The following LRBA variants were observed in gnomAD, a reference collection of about 807,000 sequenced individuals.
LRBA encodes the protein LPS responsive beige-like anchor protein, also known as lipopolysaccharide-responsive and beige-like anchor protein.
A neutral mutation model predicts 330.0 loss-of-function variants in LRBA; 176 were observed. The observed-to-expected ratio is 0.53, with a 90% CI of 0.47 to 0.60. The LOEUF (loss-of-function observed/expected upper bound fraction) is 0.60. LRBA is among the 20% of genes least tolerant of loss of function. The pLI is 0.00. For synonymous variants in LRBA, 1,230 were observed against 1,193.0 expected, an observed-to-expected ratio of 1.03 and a Z score of -0.64; for missense variants, 3,259 against 3,444.8, an observed-to-expected ratio of 0.95 and a Z score of 1.35.
At chr4:150,564,235 C>T (rs958969444) in intron 40 of LRBA, among the ~76,000 whole-genome samples, 1 of 152,056 alleles carries the variant, frequency 6.6e-6, no homozygotes, top group Non-Finnish European at 1.5e-5. Context: ...TAACACCGCA[C>T]ATCTACAACC....
chr4:150,418,090 T>C (rs1748051640), intron 46 of LRBA, among the ~76,000 whole-genome samples: 1 of 151,150 alleles, frequency 6.6e-6, no homozygotes, highest in African/African-American at 2.4e-5. Context: ...AGTGGCACAA[T>C]CATAGTTCAC....
Position 150,637,363 on chromosome 4 carries a change from T to A in LRBA, c.5922-38232A>T, listed in dbSNP as rs189592129. On this transcript the variant is annotated intron_variant, in intron 37 of 56. Transcript: ENST00000651943. ...TTAAGTTTTGGAATTAGGTAGTGTA[T>A]ATACTGAATTTTGTTGTGCTTTTTC... Among the ~76,000 whole-genome samples the A allele has an allele frequency of 3.3e-5, 5 of 152,268 alleles. No homozygotes were observed. In the East Asian group the frequency reaches 9.7e-4, roughly 29 times the overall value.
chr4:150,311,379 A>C (rs147940093), intron 51 of LRBA: 3 of 152,216 alleles, frequency 2.0e-5, no homozygotes, highest in Non-Finnish European at 4.4e-5. Flanking sequence ...TTTTCACCAT[A>C]ATTTTCAATT....
At chr4:150,913,325 G>A (rs1425746270) in intron 9 of LRBA, among the ~76,000 whole-genome samples, 1 of 152,100 alleles carries the variant, frequency 6.6e-6, no homozygotes, top group Non-Finnish European at 1.5e-5. Flanking sequence ...AAATTAGCTG[G>A]GTGCAGTGCC....
intron 37 of LRBA, among the ~76,000 whole-genome samples, chr4:150,649,926 A>G (rs1458060148): frequency 6.6e-6 from 1 of 152,180 alleles, no homozygotes; most frequent in East Asian, 1.9e-4. Context: ...GAGCTCCAAG[A>G]ATAAAAAATA....
chr4:150,436,945 C>A, intron 44 of LRBA, 81 bp from the exon 45 acceptor site: 2 of 1,266,434 alleles, frequency 1.6e-6, no homozygotes, highest in East Asian at 2.4e-5. Context: ...TGATATCCTA[C>A]TGGTAAGTAT....
chr4:150,741,326 A>G (rs1485967793), intron 35 of LRBA, among the ~76,000 whole-genome samples: 1 of 152,178 alleles, frequency 6.6e-6, no homozygotes, highest in Non-Finnish European at 1.5e-5. Context: ...AAAGAAAATG[A>G]TCACAATTTT....
rs1403892420 is a variant in LRBA at position 150,804,138 on chromosome 4, A to AT, written c.5518+2132dup. Among the ~76,000 whole-genome samples, 6 of 152,126 alleles carry AT rather than the reference A, an allele frequency of 3.9e-5. No individual in the cohort carries two copies. In the East Asian group the frequency reaches 1.2e-3, roughly 29 times the overall value. On this transcript the variant is annotated intron_variant, in intron 33 of 56. Transcript: ENST00000651943. ...TAGACTCTTCAATTTTTAAAATTCA[A>AT]TTTTTTTCCAATTATATTACTTCAT...
At chr4:150,991,131 G>T (rs907531016) in intron 2 of LRBA, among the ~76,000 whole-genome samples, 3 of 149,822 alleles carry the variant, frequency 2.0e-5, no homozygotes, top group Non-Finnish European at 4.4e-5. Flanking sequence ...GGAAGCGTAA[G>T]AAGAAGAAAC....
chr4:150,944,164 G>C (rs1735988821), intron 2 of LRBA, among the ~76,000 whole-genome samples: 1 of 152,172 alleles, frequency 6.6e-6, no homozygotes, highest in African/African-American at 2.4e-5. Flanking sequence ...TCCTGACCCA[G>C]AAAAACTGAG....
chr4:150,882,977 C>T (rs1728565314), intron 17 of LRBA, among the ~76,000 whole-genome samples: 1 of 152,174 alleles, frequency 6.6e-6, no homozygotes, highest in African/African-American at 2.4e-5. Flanking sequence ...ATTAAATTGT[C>T]ATTCCAATTT....
intron 11 of LRBA, among the ~76,000 whole-genome samples, chr4:150,908,012 T>C (rs1014874312): frequency 2.1e-4 from 32 of 152,148 alleles, no homozygotes; most frequent in Non-Finnish European, 2.9e-5. Flanking sequence ...AAATTTCTTA[T>C]TGCATTCTGA....
intron 46 of LRBA, among the ~76,000 whole-genome samples, chr4:150,434,445 G>A (rs1048248866): frequency 1.3e-5 from 2 of 152,156 alleles, no homozygotes; most frequent in African/African-American, 4.8e-5. Context: ...TATGCTTTTA[G>A]AACCAGCAGC....
chr4:150,307,734 C>T (rs1045479664), intron 52 of LRBA, among the ~76,000 whole-genome samples: 6 of 151,974 alleles, frequency 3.9e-5, no homozygotes, highest in Non-Finnish European at 8.8e-5. Flanking sequence ...CTTATACTGT[C>T]TCCAACTGTC....
intron 17 of LRBA, among the ~76,000 whole-genome samples, chr4:150,878,169 C>T (rs1396206356): frequency 2.0e-5 from 3 of 150,404 alleles, no homozygotes; most frequent in Non-Finnish European, 4.4e-5. Context: ...CCTGTCTTTT[C>T]CAAAAATACA....
At chr4:150,404,648 T>C (rs1745940807) in intron 47 of LRBA, among the ~76,000 whole-genome samples, 4 of 152,130 alleles carry the variant, frequency 2.6e-5, no homozygotes. Flanking sequence ...CTGAAGTCTA[T>C]AGGGAAGAGT....
chr4:150,935,626 T>A (rs1243412465), intron 2 of LRBA, among the ~76,000 whole-genome samples: 2 of 151,904 alleles, frequency 1.3e-5, no homozygotes, highest in African/African-American at 2.4e-5. Flanking sequence ...CTAATTTCTA[T>A]CTGGGAATTA....
In LRBA at chr4:150,685,406, ATATATATATATATATTTTTTTTT is replaced by A. The variant is rs1322997972; in HGVS notation, c.5755-1712_5755-1690del. ...GAATCAAATATATATATATATATAT[ATATATATATATATATTTTTTTTT>A]TTTTTTTTTTTTTTTTTTTTTGAGA... On this transcript the variant is annotated intron_variant, in intron 36 of 56. Transcript: ENST00000651943. 1.9e-4 allele frequency among the ~76,000 whole-genome samples: 3 copies of A among 15,666 alleles called. No homozygotes were observed. The East Asian group carries it at 5.2e-3, about 27-fold the overall frequency. The allele number at this position is 15,666 out of a possible 152,430, so 10.3% of individuals were successfully genotyped here. A position where few individuals can be genotyped will look rare whatever the true frequency, so the allele number is the denominator to read the frequency against.
chr4:150,335,407 A>G (rs1474025041), intron 48 of LRBA, among the ~76,000 whole-genome samples: 2 of 149,654 alleles, frequency 1.3e-5, no homozygotes, highest in South Asian at 2.1e-4. Flanking sequence ...GTGGCTGTGT[A>G]TATATATATA....
Sources: allele counts gnomAD v4.1 joint callset (sites outside exome capture counted in the v4.1 genomes callset), GRCh38; gene constraint gnomAD v4.1.1; transcripts MANE v1.5; gene names NCBI Gene and HGNC (gene_info 2026-07-23, HGNC 2026-07-21).